SLC35F4: variants seen among roughly 807,000 people sequenced by gnomAD.
The protein encoded by SLC35F4 is solute carrier family 35 member F4, also known as chromosome 14 open reading frame 36.
Under a neutral mutation model 44.2 loss-of-function variants are expected in SLC35F4, and 24 were observed. That is an observed-to-expected ratio of 0.54 (90% confidence interval 0.39 to 0.76). SLC35F4 has a LOEUF of 0.76. Ranked by LOEUF, SLC35F4 falls within the 30% of genes least tolerant of loss-of-function variation. SLC35F4 has a pLI of 0.00. For missense variants in SLC35F4, 562 were observed against 586.1 expected (o/e 0.96, Z 0.42); for synonymous variants, 238 against 223.6 (o/e 1.06, Z -0.57).
At chr14:57,852,341 A>G (rs982154933) in intron 1 of SLC35F4, among the ~76,000 whole-genome samples, 5 of 152,212 alleles carry the variant, frequency 3.3e-5, no homozygotes, top group Non-Finnish European at 7.3e-5. Flanking sequence ...AACAGGAACC[A>G]GTAAAACCAA....
At chr14:57,773,618 C>T (rs2077420690) in intron 1 of SLC35F4, among the ~76,000 whole-genome samples, 1 of 150,242 alleles carries the variant, frequency 6.7e-6, no homozygotes, top group South Asian at 2.1e-4. Context: ...AAACAACAGG[C>T]TGCATAAAAA....
chr14:57,710,214 G>C (rs2075783188), intron 1 of SLC35F4, among the ~76,000 whole-genome samples: 1 of 152,232 alleles, frequency 6.6e-6, no homozygotes, highest in Admixed American at 6.5e-5. Flanking sequence ...GTACTGCTCA[G>C]GCCATTGCTT....
At chr14:57,677,851 C>A (rs1693579864) in intron 1 of SLC35F4, among the ~76,000 whole-genome samples, 2 of 151,524 alleles carry the variant, frequency 1.3e-5, no homozygotes, top group African/African-American at 4.9e-5. Flanking sequence ...GGGTCATGAA[C>A]AGGCAATTCA....
chr14:57,725,845 T>C (rs1004631945), intron 1 of SLC35F4, among the ~76,000 whole-genome samples: 1 of 152,098 alleles, frequency 6.6e-6, no homozygotes, highest in Non-Finnish European at 1.5e-5. Context: ...AATCAAGGGG[T>C]GGAAGTGCAA....
chr14:57,844,020 G>C (rs1051298006), intron 1 of SLC35F4, among the ~76,000 whole-genome samples: 1 of 152,016 alleles, frequency 6.6e-6, no homozygotes, highest in South Asian at 2.1e-4. Flanking sequence ...TGTTTCCCTT[G>C]TACTCCCCCA....
intron 2 of SLC35F4, 103 bp downstream of exon 2, chr14:57,593,835 TA>T: frequency 7.8e-7 from 1 of 1,282,846 alleles, no homozygotes; most frequent in Non-Finnish European, 1.1e-6. Context: ...CATGTACTCA[TA>T]AGAGTCCGTG....
At chr14:57,734,091 G>A (rs2076409830) in intron 1 of SLC35F4, among the ~76,000 whole-genome samples, 1 of 152,072 alleles carries the variant, frequency 6.6e-6, no homozygotes, top group Non-Finnish European at 1.5e-5. Context: ...AAAATTGGGG[G>A]GAAAGCTGTC....
At chr14:57,902,836 T>G (rs1043822418) in intron 1 of SLC35F4, among the ~76,000 whole-genome samples, 3 of 152,260 alleles carry the variant, frequency 2.0e-5, no homozygotes, top group African/African-American at 7.2e-5. Flanking sequence ...CATGGAAAGC[T>G]CTTCCTCCCT....
intron 1 of SLC35F4, among the ~76,000 whole-genome samples, chr14:57,626,620 G>C (rs1293013561): frequency 1.3e-5 from 2 of 152,060 alleles, no homozygotes; most frequent in Non-Finnish European, 2.9e-5. Context: ...TCCCCCAAAA[G>C]TTCAAGAACC....
At chr14:57,902,947 T>G (rs1327688348) in intron 1 of SLC35F4, among the ~76,000 whole-genome samples, 1 of 152,186 alleles carries the variant, frequency 6.6e-6, no homozygotes, top group Non-Finnish European at 1.5e-5. Context: ...AACACATCTT[T>G]GCTGACGTTT....
At chr14:57,675,346 A>G (rs569546123) in intron 1 of SLC35F4, among the ~76,000 whole-genome samples, 1 of 152,094 alleles carries the variant, frequency 6.6e-6, no homozygotes, top group South Asian at 2.1e-4. Context: ...TACTATCCGC[A>G]ATTTACTTTG....
At chr14:57,856,964 T>C (rs2140999855) in intron 1 of SLC35F4, among the ~76,000 whole-genome samples, 1 of 152,032 alleles carries the variant, frequency 6.6e-6, no homozygotes, top group East Asian at 1.9e-4. Context: ...TTTATTCTAC[T>C]CTGTGTTTTT....
chr14:57,953,055 A>G (rs1348976285), intron 1 of SLC35F4, among the ~76,000 whole-genome samples: 1 of 152,236 alleles, frequency 6.6e-6, no homozygotes, highest in Non-Finnish European at 1.5e-5. Context: ...CAGGCTACCC[A>G]GAAAGGGAAG....
intron 1 of SLC35F4, among the ~76,000 whole-genome samples, chr14:57,674,914 A>C (rs1206814972): frequency 1.3e-5 from 2 of 152,098 alleles, no homozygotes; most frequent in African/African-American, 4.8e-5. Context: ...TGAGGGAGAT[A>C]CTATCTCTGT....
intron 1 of SLC35F4, among the ~76,000 whole-genome samples, chr14:57,891,098 G>A (rs1888753328): frequency 6.6e-6 from 1 of 152,176 alleles, no homozygotes; most frequent in South Asian, 2.1e-4. Context: ...TCTACTTCCA[G>A]ATTATGGATT....
chr14:57,852,057 T>G (rs1471567512), intron 1 of SLC35F4, among the ~76,000 whole-genome samples: 1 of 152,154 alleles, frequency 6.6e-6, no homozygotes. Context: ...CTGAACGAAA[T>G]AGATCCATCC....
chr14:57,565,646 C>A (rs567783752), intron 7 of SLC35F4, among the ~76,000 whole-genome samples: 5 of 152,214 alleles, frequency 3.3e-5, no homozygotes. Context: ...GAATATCTTA[C>A]AGCCACTGGA....
At chr14:57,742,027 A>T (rs1184419811) in intron 1 of SLC35F4, among the ~76,000 whole-genome samples, 1 of 152,192 alleles carries the variant, frequency 6.6e-6, no homozygotes, top group Non-Finnish European at 1.5e-5. Flanking sequence ...AAATGCTGAG[A>T]GATTTTGTCA....
intron 1 of SLC35F4, among the ~76,000 whole-genome samples, chr14:57,649,337 G>C (rs79465476): frequency 6.6e-6 from 1 of 152,052 alleles, no homozygotes; most frequent in Non-Finnish European, 1.5e-5. Flanking sequence ...CCTTCTGGAG[G>C]TTCCAGGGGA....
Sources: gnomAD v4.1 joint callset for allele counts (sites outside exome capture counted in the v4.1 genomes callset) on GRCh38, gnomAD v4.1.1 for gene constraint, MANE v1.5 for transcripts, NCBI Gene and HGNC (gene_info 2026-07-23, HGNC 2026-07-21) for gene names.